Variants in NBN observed in about 807,000 individuals in gnomAD.
NBN encodes Nijmegen breakage syndrome 1 (nibrin).
A neutral mutation model predicts 90.8 loss-of-function variants in NBN; 88 were observed. That is an observed-to-expected ratio of 0.97 (90% CI 0.82 to 1.16). NBN has a LOEUF of 1.16. NBN is among the 50% of genes most tolerant of loss of function. The pLI is 0.00. For missense variants in NBN, 894 were observed against 869.6 expected (o/e 1.03, Z -0.35); for synonymous variants, 328 against 295.1 (o/e 1.11, Z -1.14).
At chr8:89,956,424 T>C (rs956916954) in intron 9 of NBN, among the ~76,000 whole-genome samples, 9 of 151,984 alleles carry the variant, frequency 5.9e-5, no homozygotes, top group Non-Finnish European at 1.0e-4. Flanking sequence ...ACAAATAATA[T>C]AAAAGTGCTA....
chr8:89,973,689 G>A (rs988598012), intron 5 of NBN, among the ~76,000 whole-genome samples: 14 of 152,094 alleles, frequency 9.2e-5, no homozygotes, highest in Admixed American at 6.6e-4. Context: ...AAATCATTAC[G>A]TCTGAAGCAT....
At chr8:89,976,092 AG>A (rs1166784786) in intron 5 of NBN, among the ~76,000 whole-genome samples, 1 of 152,090 alleles carries the variant, frequency 6.6e-6, no homozygotes, top group Non-Finnish European at 1.5e-5. Flanking sequence ...CCTGGATTCA[AG>A]GGATTCTTAA....
intron 8 of NBN, among the ~76,000 whole-genome samples, chr8:89,961,436 G>A (rs1805789): frequency 0.05 from 7,626 of 152,218 alleles, 457 homozygotes; most frequent in East Asian, 0.31. Flanking sequence ...AAGAAACTCC[G>A]GCTGGAATGC....
intron 11 of NBN, among the ~76,000 whole-genome samples, chr8:89,948,957 T>C (rs567617409): frequency 6.6e-6 from 1 of 152,324 alleles, no homozygotes; most frequent in Non-Finnish European, 1.5e-5. Context: ...ACGACCTACC[T>C]AGATACTCAG....
chr8:89,943,200 T>C (rs774786812), intron 14 of NBN, 53 bp downstream of exon 14: 1 of 1,601,952 alleles, frequency 6.2e-7, no homozygotes, highest in Non-Finnish European at 8.6e-7. Context: ...AAGGCCACCA[T>C]AATGGACCAA....
intron 5 of NBN, among the ~76,000 whole-genome samples, chr8:89,973,093 C>T (rs1811589119): frequency 6.6e-6 from 1 of 152,164 alleles, no homozygotes; most frequent in South Asian, 2.1e-4. Flanking sequence ...AGAGTTCTAA[C>T]TTTATTAGTG....
chr8:89,981,140 C>T (rs1812044435), intron 3 of NBN, among the ~76,000 whole-genome samples: 1 of 152,156 alleles, frequency 6.6e-6, no homozygotes, highest in South Asian at 2.1e-4. Flanking sequence ...ATTATACCTT[C>T]ACCAATGAGG....
At position 89,982,518 on chromosome 8, in the gene NBN, T is replaced by C. The variant is rs1349924209; in HGVS notation, c.171+204A>G. The C allele has an allele frequency of 3.7e-5, 22 of 587,768 alleles. No homozygotes were observed. The East Asian group carries it at 5.7e-4, about 15-fold the overall frequency. 36.4% of individuals were successfully genotyped at this position (587,768 alleles called of 1,614,324 possible). ...TAAAACAAAGAGTAAATTACTGAAATAGAAACTTCAAATCTCAAAATGAAC... is the reference window on the plus strand; with the variant it reads ...TAAAACAAAGAGTAAATTACTGAAACAGAAACTTCAAATCTCAAAATGAAC... On this transcript the variant is annotated intron_variant, in intron 2 of 15. Transcript: ENST00000265433.
intron 2 of NBN, 98 bp from the exon 3 acceptor site, chr8:89,981,621 AACCTCC>A: frequency 1.6e-6 from 2 of 1,254,450 alleles, no homozygotes; most frequent in Non-Finnish European, 2.3e-6. Context: ...GCAGGTGGCT[AACCTCC>A]CAACACGGCA....
At chr8:89,943,428 A>T (rs1810044966) in intron 13 of NBN, 62 bp from the exon 14 acceptor site, 24 of 1,488,088 alleles carry the variant, frequency 1.6e-5, no homozygotes, top group Non-Finnish European at 2.2e-5. Context: ...CCATTTTTTT[A>T]AAAAGATTAA....
chr8:89,981,767 T>A lies in NBN; in HGVS notation c.172-244A>T. ...CACACATGTTCTTTATTTGTGTAAG[T>A]CAGTGGGGATTCTCCTGACCCCTCA... On this transcript the variant is annotated intron_variant, in intron 2 of 15. Coordinates refer to ENST00000265433, the MANE Select transcript of NBN (RefSeq NM_002485.5). 9.4e-6 allele frequency: 5 copies of A among 530,028 alleles called. No homozygotes were observed. In the South Asian group the frequency reaches 1.0e-4, roughly 11 times the overall value. 32.8% of individuals were successfully genotyped at this position (530,028 alleles called of 1,614,324 possible). A position where few individuals can be genotyped will look rare whatever the true frequency, so the allele number is the denominator to read the frequency against.
intron 11 of NBN, among the ~76,000 whole-genome samples, chr8:89,951,121 G>A (rs1288918159): frequency 2.0e-5 from 3 of 151,980 alleles, no homozygotes; most frequent in Admixed American, 6.6e-5. Context: ...GATCATCCTG[G>A]CTAACACAGC....
intron 5 of NBN, among the ~76,000 whole-genome samples, chr8:89,974,325 GT>G (rs1811652932): frequency 1.3e-5 from 2 of 149,890 alleles, no homozygotes; most frequent in Admixed American, 1.3e-4. Flanking sequence ...CAAATGTGAG[GT>G]TCCATATCCT....
intron 12 of NBN, 68 bp from the exon 13 acceptor site, chr8:89,946,363 G>A (rs1316702397): frequency 1.4e-6 from 2 of 1,401,256 alleles, no homozygotes; most frequent in Non-Finnish European, 2.0e-6. Flanking sequence ...CTTGTCATTT[G>A]GGAATCTATA....
At chr8:89,957,282 T>C (rs565820154) in intron 9 of NBN, among the ~76,000 whole-genome samples, 1 of 152,188 alleles carries the variant, frequency 6.6e-6, no homozygotes, top group Non-Finnish European at 1.5e-5. Flanking sequence ...TAGGCTAACA[T>C]GTATGTTTAT....
intron 5 of NBN, among the ~76,000 whole-genome samples, chr8:89,973,509 T>C (rs118126701): frequency 1.7e-4 from 26 of 152,332 alleles, no homozygotes; most frequent in Non-Finnish European, 3.1e-4. Context: ...TAGTAATACC[T>C]ACATTTGATA....
intron 12 of NBN, 79 bp from the exon 13 acceptor site, chr8:89,946,374 GA>G (rs1810195214): frequency 6.1e-6 from 8 of 1,312,228 alleles, no homozygotes; most frequent in Non-Finnish European, 8.7e-6. Flanking sequence ...GGAATCTATA[GA>G]AAAAAGTTCA....
chr8:89,951,178 G>A (rs1810429916), intron 11 of NBN, among the ~76,000 whole-genome samples: 1 of 152,062 alleles, frequency 6.6e-6, no homozygotes. Context: ...CAGGCGTGGT[G>A]GCGGGCGCCT....
intron 15 of NBN, 43 bp downstream of exon 15, chr8:89,936,983 T>C: frequency 6.8e-7 from 1 of 1,462,980 alleles, no homozygotes; most frequent in Non-Finnish European, 9.6e-7. Flanking sequence ...AAATTTTATA[T>C]ACATCTCTCA....
Sources: allele counts gnomAD v4.1 joint callset (sites outside exome capture counted in the v4.1 genomes callset), GRCh38; gene constraint gnomAD v4.1.1; transcripts MANE v1.5; gene names NCBI Gene and HGNC (gene_info 2026-07-23, HGNC 2026-07-21).